The following CYP19A1 variants were observed in gnomAD, a reference collection of about 807,000 sequenced individuals.
The protein encoded by CYP19A1 is aromatase.
A neutral mutation model predicts 44.4 loss-of-function variants in CYP19A1; 32 were observed. The observed-to-expected ratio is 0.72, with a 90% CI of 0.54 to 0.97. The LOEUF (loss-of-function observed/expected upper bound fraction) is 0.97, where lower values mean the gene tolerates loss of function less well. CYP19A1 is among the 50% of genes least tolerant of loss of function. The pLI, the probability that CYP19A1 is intolerant of heterozygous loss-of-function variation, is 0.00. For synonymous variants in CYP19A1, 212 were observed against 215.6 expected, an observed-to-expected ratio of 0.98 and a Z score of 0.14; for missense variants, 598 against 637.8, an observed-to-expected ratio of 0.94 and a Z score of 0.67.
chr15:51,225,574 T>C (rs577971931), intron 4 of CYP19A1, among the ~76,000 whole-genome samples: 36 of 152,320 alleles, frequency 2.4e-4, no homozygotes, highest in African/African-American at 7.9e-4. Context: ...CAACCTGTAA[T>C]ACTAAGTCCT....
intron 1 of CYP19A1, among the ~76,000 whole-genome samples, chr15:51,267,095 C>G (rs1487402476): frequency 6.6e-6 from 1 of 152,176 alleles, no homozygotes; most frequent in Non-Finnish European, 1.5e-5. Flanking sequence ...AGCTGCCCTC[C>G]CGTTTCCTGC....
intron 1 of CYP19A1, among the ~76,000 whole-genome samples, chr15:51,272,874 G>T (rs993392675): frequency 6.6e-6 from 1 of 152,148 alleles, no homozygotes; most frequent in African/African-American, 2.4e-5. Context: ...GATATACACT[G>T]ATTCGTCTTT....
At chr15:51,281,621 G>T (rs997697622) in intron 1 of CYP19A1, among the ~76,000 whole-genome samples, 14 of 152,222 alleles carry the variant, frequency 9.2e-5, no homozygotes, top group Non-Finnish European at 1.6e-4. Context: ...GGCAGTGAGG[G>T]GCAGGAGAGT....
chr15:51,304,121 T>A (rs2036167650), intron 1 of CYP19A1, among the ~76,000 whole-genome samples: 1 of 152,228 alleles, frequency 6.6e-6, no homozygotes, highest in Non-Finnish European at 1.5e-5. Context: ...GCACTTTGGT[T>A]TAAAATATTG....
intron 6 of CYP19A1, among the ~76,000 whole-genome samples, chr15:51,218,152 AAAAC>A (rs2031747063): frequency 6.6e-6 from 1 of 152,240 alleles, no homozygotes; most frequent in Non-Finnish European, 1.5e-5. Context: ...AATTCATTCA[AAAAC>A]AACACAACTA....
At chr15:51,315,462 T>A (rs138724493) in intron 1 of CYP19A1, among the ~76,000 whole-genome samples, 2 of 152,214 alleles carry the variant, frequency 1.3e-5, no homozygotes, top group East Asian at 3.9e-4. Flanking sequence ...CATTTTGTAG[T>A]TGCTTGTTTA....
chr15:51,261,017 C>G (rs1566900549), intron 1 of CYP19A1, among the ~76,000 whole-genome samples: 2 of 152,220 alleles, frequency 1.3e-5, no homozygotes, highest in Non-Finnish European at 1.5e-5. Context: ...TGACTCCCAC[C>G]TCTCCGGATC....
intron 8 of CYP19A1, among the ~76,000 whole-genome samples, chr15:51,214,076 A>C (rs1251971403): frequency 2.6e-5 from 4 of 152,220 alleles, no homozygotes; most frequent in Non-Finnish European, 5.9e-5. Context: ...TAACTATTTC[A>C]AGGAGCACTC....
chr15:51,239,580 A>T (rs2141113875), intron 2 of CYP19A1, among the ~76,000 whole-genome samples: 1 of 152,274 alleles, frequency 6.6e-6, no homozygotes, highest in African/African-American at 2.4e-5. Context: ...AACCTTTAAA[A>T]CAAGGCAAAA....
chr15:51,314,665 C>T (rs1016928611), intron 1 of CYP19A1, among the ~76,000 whole-genome samples: 6 of 152,206 alleles, frequency 3.9e-5, no homozygotes, highest in African/African-American at 1.4e-4. Flanking sequence ...CTCTACCCAC[C>T]AAAATCCTAC....
At chr15:51,257,638 G>A (rs6493494) in intron 1 of CYP19A1, among the ~76,000 whole-genome samples, 56,524 of 152,092 alleles carry the variant, frequency 0.37, 11,040 homozygotes, top group Non-Finnish European at 0.43. Flanking sequence ...GTGCTCCAGC[G>A]CCTGAGCCCA....
intron 9 of CYP19A1, 106 bp downstream of exon 9, chr15:51,212,214 A>G (rs1483034334): frequency 1.2e-6 from 1 of 859,962 alleles, no homozygotes; most frequent in Admixed American, 1.7e-5. Flanking sequence ...AGAGGGAATG[A>G]GTAAGAAAAA....
intron 1 of CYP19A1, among the ~76,000 whole-genome samples, chr15:51,249,925 T>C (rs1328724395): frequency 6.6e-6 from 1 of 152,244 alleles, no homozygotes; most frequent in East Asian, 1.9e-4. Context: ...CCAGTTATTC[T>C]TCCTAGCAAG....
chr15:51,279,593 C>G (rs1189935748), intron 1 of CYP19A1, among the ~76,000 whole-genome samples: 1 of 152,198 alleles, frequency 6.6e-6, no homozygotes, highest in Non-Finnish European at 1.5e-5. Flanking sequence ...TCCCCCAAAC[C>G]AAGCTATGAG....
chr15:51,280,230 G>C (rs2035469199), intron 1 of CYP19A1, among the ~76,000 whole-genome samples: 1 of 151,474 alleles, frequency 6.6e-6, no homozygotes, highest in South Asian at 2.1e-4. Flanking sequence ...AGAGTAGCTG[G>C]GACTACAGGC....
intron 6 of CYP19A1, among the ~76,000 whole-genome samples, chr15:51,217,728 T>C (rs2031712188): frequency 6.6e-6 from 1 of 152,218 alleles, no homozygotes; most frequent in Non-Finnish European, 1.5e-5. Context: ...CCATGCTCTA[T>C]GCTAATTGCC....
intron 1 of CYP19A1, chr15:51,312,475 G>A (rs1179156327): frequency 6.6e-6 from 1 of 152,244 alleles, no homozygotes; most frequent in Non-Finnish European, 1.5e-5. Flanking sequence ...AACAGTCTGA[G>A]AGAAGTGGAG....
At chr15:51,259,477 C>T (rs887381558) in intron 1 of CYP19A1, among the ~76,000 whole-genome samples, 1 of 152,256 alleles carries the variant, frequency 6.6e-6, no homozygotes, top group Middle Eastern at 3.4e-3. Context: ...TCAAGTCAAC[C>T]AGCTCTTTTG....
chr15:51,221,454 T>TA (rs568475176), intron 5 of CYP19A1: 6 of 152,148 alleles, frequency 3.9e-5, no homozygotes, highest in Non-Finnish European at 7.4e-5. Context: ...ACAATGGCAA[T>TA]AAAAAATGTA....
Sources: gnomAD v4.1 joint callset for allele counts (sites outside exome capture counted in the v4.1 genomes callset) on GRCh38, gnomAD v4.1.1 for gene constraint, MANE v1.5 for transcripts, NCBI Gene and HGNC (gene_info 2026-07-23, HGNC 2026-07-21) for gene names.